DYNC2H1: variants seen among roughly 807,000 people sequenced by gnomAD.
The protein encoded by DYNC2H1 is cytoplasmic dynein 2 heavy chain 1.
In DYNC2H1, 410 loss-of-function variants were observed where a neutral mutation model predicts 570.0. The observed-to-expected ratio is 0.72, with a 90% confidence interval of 0.66 to 0.78. DYNC2H1 has a LOEUF of 0.78. Ranked by LOEUF, DYNC2H1 falls within the 30% of genes least tolerant of loss-of-function variation. The probability of loss-of-function intolerance (pLI) is 0.00; values close to 1 mark genes in which losing one functional copy is unlikely to be tolerated. For synonymous variants in DYNC2H1, 1,688 were observed against 1,677.6 expected, an observed-to-expected ratio of 1.01 and a Z score of -0.15; for missense variants, 4,865 against 5,046.4, an observed-to-expected ratio of 0.96 and a Z score of 1.09.
chr11:103,233,375 G>A (rs1864086979), intron 60 of DYNC2H1, among the ~76,000 whole-genome samples: 1 of 151,256 alleles, frequency 6.6e-6, no homozygotes, highest in Non-Finnish European at 1.5e-5. Flanking sequence ...AAATAATCAT[G>A]TCAAATATTA....
At chr11:103,428,826 T>G (rs1049597866) in intron 84 of DYNC2H1, among the ~76,000 whole-genome samples, 4 of 152,198 alleles carry the variant, frequency 2.6e-5, no homozygotes, top group African/African-American at 9.7e-5. Flanking sequence ...TTTTCTTTTT[T>G]AAGGTGAATA....
intron 87 of DYNC2H1, among the ~76,000 whole-genome samples, chr11:103,462,736 A>G (rs932197995): frequency 6.6e-6 from 1 of 152,296 alleles, no homozygotes; most frequent in East Asian, 1.9e-4. Flanking sequence ...CTCTTTAAGT[A>G]TCATTGTGAG....
At position 103,156,369 on chromosome 11, in the gene DYNC2H1, G is replaced by A. The variant is rs894196126; in HGVS notation, c.3745-19G>A. ...AATTAATGTTGAAGTAATAAACATG[G>A]ATATTTTGTGTTAAATAGGATTTAA... On this transcript the variant is annotated intron_variant, in intron 25 of 88. Coordinates refer to ENST00000375735, the MANE Select transcript of DYNC2H1 (RefSeq NM_001377.3). 6.3e-7 allele frequency: 1 copy of A among 1,596,830 alleles called. No homozygotes were observed.
intron 79 of DYNC2H1, among the ~76,000 whole-genome samples, chr11:103,315,164 C>T (rs1478398309): frequency 6.6e-6 from 1 of 151,940 alleles, no homozygotes; most frequent in African/African-American, 2.4e-5. Flanking sequence ...ATTTTCTAGG[C>T]TGTATGTTTG....
At chr11:103,459,928 C>T (rs537227352) in intron 87 of DYNC2H1, among the ~76,000 whole-genome samples, 142 of 134,432 alleles carry the variant, frequency 1.1e-3, no homozygotes, top group African/African-American at 3.7e-3. Context: ...GTCCGCAGTC[C>T]GGCCTGGGCG....
chr11:103,455,063 A>G (rs1025997151), intron 85 of DYNC2H1, 123 bp from the exon 86 acceptor site: 28 of 623,002 alleles, frequency 4.5e-5, no homozygotes, highest in Non-Finnish European at 7.1e-5. Context: ...TTATATATAT[A>G]TTTTCTAGCT....
At chr11:103,425,136 A>G (rs1219601652) in intron 84 of DYNC2H1, among the ~76,000 whole-genome samples, 2 of 152,074 alleles carry the variant, frequency 1.3e-5, no homozygotes, top group African/African-American at 4.8e-5. Context: ...ATAGGTACTC[A>G]CCATGTTGGC....
rs1490111307 is a variant in DYNC2H1 at position 103,446,898 on chromosome 11, C to T, written c.12457-8288C>T. ...TTATTATTAATAATTAAGAGGAGAC[C>T]TATAAGTAGGTGGACATTATAAATT... On this transcript the variant is annotated intron_variant, in intron 85 of 88. Transcript: ENST00000375735. The surrounding 1 kb of genome is among the most constrained non-coding windows in gnomAD (Gnocchi z 4.5). 6.6e-6 allele frequency among the ~76,000 whole-genome samples: 1 copy of T among 151,892 alleles called. No homozygotes were observed. Among genetic ancestry groups the T allele is most frequent in the African/African-American group, 2.4e-5 (1 of 41,372 alleles).
chr11:103,418,411 T>C (rs537998681), intron 84 of DYNC2H1, among the ~76,000 whole-genome samples: 1 of 152,294 alleles, frequency 6.6e-6, no homozygotes, highest in Non-Finnish European at 1.5e-5. Context: ...TTTAAAAATA[T>C]TATGTGCATT....
intron 85 of DYNC2H1, among the ~76,000 whole-genome samples, chr11:103,449,083 T>C (rs1591772549): frequency 1.3e-5 from 2 of 152,280 alleles, no homozygotes; most frequent in South Asian, 2.1e-4. Flanking sequence ...GGGAATAGCC[T>C]ATACAGGTAA....
At chr11:103,279,393 G>A (rs1565457688) in intron 70 of DYNC2H1, among the ~76,000 whole-genome samples, 1 of 152,170 alleles carries the variant, frequency 6.6e-6, no homozygotes, top group Admixed American at 6.5e-5. Context: ...CAAAGAGTAT[G>A]ATCCTCCTAA....
In DYNC2H1 at chr11:103,280,345, C is replaced by T; in HGVS notation, c.10696-3C>T. On this transcript the variant is annotated splice_polypyrimidine_tract_variant and splice_region_variant and intron_variant, in intron 70 of 88. Transcript: ENST00000375735. This position sits in a 1 kb window ranked among gnomAD's most constrained non-coding sequence, Gnocchi z 4.7. ...GCAAGATAATATCTGTTATTCTTTG[C>T]AGGCTGATCAGTTGATGTTCGCTTT... 1 of 1,553,482 alleles carries T rather than the reference C, an allele frequency of 6.4e-7. No homozygotes were observed. The highest frequency in any genetic ancestry group is 1.4e-5 in the African/African-American group (1 of 73,398).
At chr11:103,459,321 AAAAAAAAAAAAAG>A (rs1275921003) in intron 87 of DYNC2H1, among the ~76,000 whole-genome samples, 2 of 148,384 alleles carry the variant, frequency 1.3e-5, no homozygotes, top group South Asian at 2.1e-4. Flanking sequence ...AAAAAAAAAA[AAAAAAAAAAAAAG>A]GAAATTCCAT....
chr11:103,274,820 C>T (rs1245096232), intron 70 of DYNC2H1, among the ~76,000 whole-genome samples: 2 of 152,080 alleles, frequency 1.3e-5, no homozygotes, highest in Admixed American at 1.3e-4. Context: ...GTAGGCTGGG[C>T]GTGGTGGCTC....
intron 79 of DYNC2H1, among the ~76,000 whole-genome samples, chr11:103,314,930 TATA>T (rs1937734993): frequency 6.6e-6 from 1 of 152,116 alleles, no homozygotes; most frequent in Non-Finnish European, 1.5e-5. Context: ...AACAGAATGA[TATA>T]AGAAATTTTA....
At chr11:103,317,749 G>A (rs1468969528) in intron 80 of DYNC2H1, among the ~76,000 whole-genome samples, 2 of 152,044 alleles carry the variant, frequency 1.3e-5, no homozygotes, top group Non-Finnish European at 2.9e-5. Flanking sequence ...CAGCTTGGAT[G>A]TATCCTCTTG....
At chr11:103,120,619 G>A in intron 7 of DYNC2H1, 38 bp downstream of exon 7, 1 of 1,595,118 alleles carries the variant, frequency 6.3e-7, no homozygotes, top group Non-Finnish European at 8.5e-7. Context: ...ACAGTTTCCT[G>A]TTTATGTTGT....
At chr11:103,226,884 A>T (rs997005395) in intron 59 of DYNC2H1, among the ~76,000 whole-genome samples, 10 of 152,058 alleles carry the variant, frequency 6.6e-5, no homozygotes, top group African/African-American at 2.2e-4. Flanking sequence ...TTGGTCTGTT[A>T]AGAGGTTCTA....
intron 84 of DYNC2H1, among the ~76,000 whole-genome samples, chr11:103,427,062 T>C (rs977534538): frequency 1.3e-5 from 2 of 152,174 alleles, no homozygotes; most frequent in Non-Finnish European, 2.9e-5. Context: ...AATGTTAACG[T>C]AAACCCACAG....
Sources: allele counts gnomAD v4.1 joint callset (sites outside exome capture counted in the v4.1 genomes callset), GRCh38; gene constraint gnomAD v4.1.1; non-coding constraint Gnocchi (gnomAD v3.1); transcripts MANE v1.5; gene names NCBI Gene and HGNC (gene_info 2026-07-23, HGNC 2026-07-21).